CHN2: variants seen among roughly 807,000 people sequenced by gnomAD.
CHN2 encodes the protein chimerin 2.
In CHN2, 35 loss-of-function variants were observed where a neutral mutation model predicts 56.3. That is an observed-to-expected ratio of 0.62 (90% CI 0.47 to 0.82). The LOEUF is 0.82. Among genes scored for constraint, CHN2 ranks in the 40% least tolerant of loss-of-function variants. The pLI, the probability that CHN2 is intolerant of heterozygous loss-of-function variation, is 0.00. For missense variants in CHN2, 491 were observed against 580.5 expected, an observed-to-expected ratio of 0.85 and a Z score of 1.58; for synonymous variants, 210 against 212.8, an observed-to-expected ratio of 0.99 and a Z score of 0.12.
intron 3 of CHN2, among the ~76,000 whole-genome samples, chr7:29,384,311 T>A (rs1165925580): frequency 6.6e-6 from 1 of 152,198 alleles, no homozygotes; most frequent in Non-Finnish European, 1.5e-5. Flanking sequence ...TAGGAAAAGA[T>A]TATGGGCTTT....
At chr7:29,209,301 A>G (rs1197204327) in intron 1 of CHN2, among the ~76,000 whole-genome samples, 3 of 152,130 alleles carry the variant, frequency 2.0e-5, no homozygotes, top group African/African-American at 4.8e-5. Flanking sequence ...GCCACCAACA[A>G]AACACTGAGA....
chr7:29,338,553 A>T (rs1416150803), intron 1 of CHN2, among the ~76,000 whole-genome samples: 4 of 152,126 alleles, frequency 2.6e-5, no homozygotes, highest in African/African-American at 7.2e-5. Flanking sequence ...GACTAATAAT[A>T]CCTGTTTTAT....
intron 3 of CHN2, among the ~76,000 whole-genome samples, chr7:29,387,426 C>T (rs528721066): frequency 6.6e-6 from 1 of 152,344 alleles, no homozygotes; most frequent in South Asian, 2.1e-4. Context: ...AGGACAGGCA[C>T]TCTTGTTTTC....
chr7:29,207,902 T>C (rs555112429), intron 1 of CHN2, among the ~76,000 whole-genome samples: 44 of 152,344 alleles, frequency 2.9e-4, no homozygotes, highest in Middle Eastern at 6.8e-3. Context: ...GTATTTACTT[T>C]TACCCCACAC....
chr7:29,380,117 ACT>A (rs1326164776), intron 3 of CHN2, among the ~76,000 whole-genome samples: 1 of 152,112 alleles, frequency 6.6e-6, no homozygotes, highest in Non-Finnish European at 1.5e-5. Flanking sequence ...TTAGTTAATC[ACT>A]CTGAACTGCA....
chr7:29,464,392 C>T (rs1342591279), intron 6 of CHN2, among the ~76,000 whole-genome samples: 3 of 152,084 alleles, frequency 2.0e-5, no homozygotes, highest in Non-Finnish European at 2.9e-5. Flanking sequence ...AATCACCGAG[C>T]AACTAATATT....
intron 6 of CHN2, among the ~76,000 whole-genome samples, chr7:29,472,905 C>T (rs1786228531): frequency 6.6e-6 from 1 of 152,220 alleles, no homozygotes; most frequent in Non-Finnish European, 1.5e-5. Flanking sequence ...ACATGTGGTG[C>T]CAGGGATTTC....
chr7:29,297,785 G>T (rs1406082919), intron 1 of CHN2, among the ~76,000 whole-genome samples: 3 of 152,044 alleles, frequency 2.0e-5, no homozygotes, highest in Non-Finnish European at 4.4e-5. Context: ...GGATGCACCC[G>T]AGGGGAATGA....
chr7:29,408,213 A>G (rs6972140), intron 6 of CHN2, among the ~76,000 whole-genome samples: 2 of 151,688 alleles, frequency 1.3e-5, no homozygotes, highest in African/African-American at 2.4e-5. Context: ...AAATTAAATT[A>G]AAAAATATAT....
At chr7:29,324,992 G>C (rs1795695049) in intron 1 of CHN2, among the ~76,000 whole-genome samples, 1 of 152,086 alleles carries the variant, frequency 6.6e-6, no homozygotes, top group Admixed American at 6.5e-5. Flanking sequence ...AAAATGCTTT[G>C]CTGAAGTCCC....
chr7:29,166,967 A>G (rs1038790408), intron 2 of CHN2, among the ~76,000 whole-genome samples: 10 of 152,112 alleles, frequency 6.6e-5, no homozygotes, highest in Non-Finnish European at 5.9e-5. Context: ...TCTCCACAAT[A>G]TAAGATATAT....
intron 3 of CHN2, among the ~76,000 whole-genome samples, chr7:29,387,929 A>C (rs984540754): frequency 6.6e-6 from 1 of 152,248 alleles, no homozygotes; most frequent in Non-Finnish European, 1.5e-5. Context: ...GACTGCACAC[A>C]AATATACCTA....
intron 7 of CHN2, among the ~76,000 whole-genome samples, chr7:29,494,579 T>C (rs559617717): frequency 5.0e-4 from 76 of 152,248 alleles, no homozygotes; most frequent in African/African-American, 1.8e-3. Flanking sequence ...TTTCTTAGGG[T>C]CATTCCCTAG....
At chr7:29,284,484 C>G (rs1322046252) in intron 1 of CHN2, among the ~76,000 whole-genome samples, 1 of 152,222 alleles carries the variant, frequency 6.6e-6, no homozygotes, top group Non-Finnish European at 1.5e-5. Context: ...AAGAACCAAA[C>G]AGCCTGTTGT....
At chr7:29,296,885 G>A (rs1793205102) in intron 1 of CHN2, among the ~76,000 whole-genome samples, 1 of 152,184 alleles carries the variant, frequency 6.6e-6, no homozygotes, top group East Asian at 1.9e-4. Context: ...CTGAATTCAT[G>A]CACAAACTTA....
upstream of CHN2, among the ~76,000 whole-genome samples, chr7:29,191,306 C>T (rs1782862193): frequency 6.6e-6 from 1 of 152,140 alleles, no homozygotes; most frequent in African/African-American, 2.4e-5. Flanking sequence ...GAGATCTGCC[C>T]ATTGAGAGGT....
intron 1 of CHN2, among the ~76,000 whole-genome samples, chr7:29,203,936 G>C (rs1052758350): frequency 2.6e-5 from 4 of 152,136 alleles, no homozygotes; most frequent in Admixed American, 6.5e-5. Flanking sequence ...TTTTGTTTGG[G>C]CTTCAGTTTA....
chr7:29,229,802 A>AC (rs1354459291), intron 1 of CHN2, among the ~76,000 whole-genome samples: 1 of 151,994 alleles, frequency 6.6e-6, no homozygotes, highest in Non-Finnish European at 1.5e-5. Context: ...ACATGGGGAG[A>AC]CCCCATCTCT....
At chr7:29,289,043 T>A (rs567218433) in intron 1 of CHN2, 1 of 152,174 alleles carries the variant, frequency 6.6e-6, no homozygotes, top group Non-Finnish European at 1.5e-5. Flanking sequence ...ATCTGAGGCA[T>A]TGAATGAGGA....
Sources: allele counts gnomAD v4.1 joint callset (sites outside exome capture counted in the v4.1 genomes callset), GRCh38; gene constraint gnomAD v4.1.1; transcripts MANE v1.5; gene names NCBI Gene and HGNC (gene_info 2026-07-23, HGNC 2026-07-21).